The following LRRC37A2 variants were observed in gnomAD, a reference collection of about 807,000 sequenced individuals.
LRRC37A2 encodes the protein leucine-rich repeat-containing protein 37A2.
In LRRC37A2, 9 loss-of-function variants were observed where a neutral mutation model predicts 68.8. The ratio of observed to expected loss-of-function variants is 0.13; its 90% CI spans 0.08 to 0.23. LRRC37A2 has a LOEUF of 0.23. Ranked by LOEUF, LRRC37A2 falls within the 10% of genes least tolerant of loss-of-function variation. The pLI is 1.00. For missense variants in LRRC37A2, 168 were observed against 950.4 expected, an observed-to-expected ratio of 0.18 and a Z score of 10.82; for synonymous variants, 63 against 367.6, an observed-to-expected ratio of 0.17 and a Z score of 9.48.
At chr17:46,850,405 T>C in the LRRC37A2 span, among the ~76,000 whole-genome samples, 1 of 152,194 alleles carries the variant, frequency 6.6e-6, no homozygotes, top group Non-Finnish European at 1.5e-5. Context: ...GGGCTTCCTC[T>C]GTTAATGCCA....
the LRRC37A2 span, chr17:46,949,188 G>A: frequency 1.3e-5 from 2 of 152,256 alleles, no homozygotes. Context: ...TGAAGGCTGG[G>A]AGGAGAATCA....
chr17:46,715,371 C>A, the LRRC37A2 span, among the ~76,000 whole-genome samples: 296 of 152,324 alleles, frequency 1.9e-3, no homozygotes, highest in Non-Finnish European at 1.1e-3. Flanking sequence ...GATGGGAACC[C>A]TTAACCCACT....
chr17:46,991,614 A>G, the LRRC37A2 span, among the ~76,000 whole-genome samples: 1 of 88,898 alleles, frequency 1.1e-5, no homozygotes, highest in South Asian at 4.1e-4. Context: ...CTCCATCTCA[A>G]AAAAATAAAA....
chr17:46,459,040 G>A, the LRRC37A2 span, among the ~76,000 whole-genome samples: 1 of 47,696 alleles, frequency 2.1e-5, no homozygotes, highest in African/African-American at 8.3e-5. Flanking sequence ...GTTCTAGGCT[G>A]CAGTGAGCTC....
At chr17:46,902,746 C>T in the LRRC37A2 span, among the ~76,000 whole-genome samples, 1 of 152,104 alleles carries the variant, frequency 6.6e-6, no homozygotes, top group African/African-American at 2.4e-5. Flanking sequence ...GTAGCCAACC[C>T]TGTGGTCAGT....
chr17:46,896,348 A>G, the LRRC37A2 span, among the ~76,000 whole-genome samples: 1 of 150,796 alleles, frequency 6.6e-6, no homozygotes, highest in Non-Finnish European at 1.5e-5. Flanking sequence ...AGAGAAAGAA[A>G]GAAAGAAAAA....
the LRRC37A2 span, chr17:46,968,623 T>G: frequency 1.3e-5 from 2 of 152,464 alleles, no homozygotes; most frequent in East Asian, 3.8e-4. Context: ...GAGAACTTAG[T>G]TGGCTTGCTC....
the LRRC37A2 span, among the ~76,000 whole-genome samples, chr17:46,599,465 C>CT: frequency 8.7e-6 from 1 of 115,582 alleles, no homozygotes; most frequent in Non-Finnish European, 1.7e-5. Context: ...TTCATGCACA[C>CT]TTTAAGAGAT....
chr17:46,845,651 T>C, the LRRC37A2 span, among the ~76,000 whole-genome samples: 29,791 of 151,498 alleles, frequency 0.2, 3,593 homozygotes, highest in East Asian at 0.5. Flanking sequence ...CCACCACACC[T>C]GGCTAACTTT....
At chr17:46,774,038 G>A in the LRRC37A2 span, 3 of 1,367,216 alleles carry the variant, frequency 2.2e-6, no homozygotes, top group South Asian at 1.3e-5. Context: ...GCACCTGAAT[G>A]TGCTACCTTT....
chr17:46,790,285 G>A, the LRRC37A2 span, among the ~76,000 whole-genome samples: 23 of 152,210 alleles, frequency 1.5e-4, no homozygotes, highest in East Asian at 4.2e-3. Flanking sequence ...ACAGACCCAC[G>A]CAGGACTTCA....
the LRRC37A2 span, among the ~76,000 whole-genome samples, chr17:46,743,829 CTTTTTATATT>C: frequency 6.6e-6 from 1 of 152,170 alleles, no homozygotes; most frequent in African/African-American, 2.4e-5. Context: ...TTTCCTGTTG[CTTTTTATATT>C]AAATATTTCC....
the LRRC37A2 span, among the ~76,000 whole-genome samples, chr17:46,828,686 G>T: frequency 6.6e-6 from 1 of 151,840 alleles, no homozygotes; most frequent in Non-Finnish European, 1.5e-5. Context: ...GGTCGGGCAC[G>T]GTGGCTCATG....
At chr17:46,472,846 C>T in the LRRC37A2 span, among the ~76,000 whole-genome samples, 2 of 43,278 alleles carry the variant, frequency 4.6e-5, no homozygotes, top group African/African-American at 8.9e-5. Flanking sequence ...ACCCGGGAGG[C>T]GGAGCTTGCA....
chr17:46,836,032 G>T, the LRRC37A2 span, among the ~76,000 whole-genome samples: 9 of 151,810 alleles, frequency 5.9e-5, no homozygotes, highest in Non-Finnish European at 1.0e-4. Context: ...GGCCTGCGAG[G>T]ATGGTCAGGG....
chr17:46,923,204 G>A, the LRRC37A2 span: 11 of 1,549,644 alleles, frequency 7.1e-6, no homozygotes, highest in Non-Finnish European at 8.7e-6. Flanking sequence ...TGGATCCCCT[G>A]TTCCAGCAAA....
the LRRC37A2 span, among the ~76,000 whole-genome samples, chr17:46,848,356 A>C: frequency 6.6e-6 from 1 of 152,206 alleles, no homozygotes; most frequent in Non-Finnish European, 1.5e-5. Context: ...TAAGCTGAAA[A>C]CAACACTTGT....
the LRRC37A2 span, among the ~76,000 whole-genome samples, chr17:46,768,066 G>A: frequency 1.2e-4 from 18 of 152,312 alleles, no homozygotes; most frequent in Non-Finnish European, 2.2e-4. The surrounding 1 kb of genome is among the most constrained non-coding windows in gnomAD (Gnocchi z 5.0). Context: ...GGGATTACAG[G>A]CGTGAGCCAC....
the LRRC37A2 span, among the ~76,000 whole-genome samples, chr17:46,462,016 C>T: frequency 3.1e-3 from 239 of 77,182 alleles, 20 homozygotes; most frequent in Non-Finnish European, 5.6e-3. Context: ...AAAAAGAAGC[C>T]AATAATGTTA....
Sources: gnomAD v4.1 joint callset for allele counts (sites outside exome capture counted in the v4.1 genomes callset) on GRCh38, gnomAD v4.1.1 for gene constraint, Gnocchi (gnomAD v3.1) non-coding constraint, MANE v1.5 for transcripts, NCBI Gene and HGNC (gene_info 2026-07-23, HGNC 2026-07-21) for gene names.